TTC14: variants seen among roughly 807,000 people sequenced by gnomAD.
TTC14 encodes tetratricopeptide repeat domain 14.
Under a neutral mutation model 79.9 loss-of-function variants are expected in TTC14, and 63 were observed. The ratio of observed to expected loss-of-function variants is 0.79; its 90% CI spans 0.64 to 0.97. TTC14 has a LOEUF of 0.97. Among genes scored for constraint, TTC14 ranks in the 50% least tolerant of loss-of-function variants. The pLI is 0.00. For synonymous variants in TTC14, 335 were observed against 309.6 expected, an observed-to-expected ratio of 1.08 and a Z score of -0.86; for missense variants, 895 against 894.0, an observed-to-expected ratio of 1.00 and a Z score of -0.01.
rs1254853899 is a variant in TTC14 at position 180,602,325 on chromosome 3, C to A, written c.64C>A (p.Arg22=). 2 of 1,613,836 alleles carry A rather than the reference C, an allele frequency of 1.2e-6. No individual in the cohort carries two copies. Among genetic ancestry groups the A allele is most frequent in the Non-Finnish European group, 1.7e-6 (2 of 1,180,014 alleles). ...CGGGTCGTCTTTGCTCTCTCTACTT[C>A]GGAGCGAACAGCAGGACAATCCACA... ...CHGSSLLSLL[R]SEQQDNPHFR... Residue 22 remains arginine (R), a synonymous_variant, in exon 1 of 12, where the codon CGG becomes AGG. Coordinates refer to ENST00000296015, the MANE Select transcript of TTC14 (RefSeq NM_133462.4).
In TTC14 at chr3:180,602,910, A is replaced by G. The variant is rs1257656373; in HGVS notation, c.181A>G (p.Asn61Asp). The G allele has an allele frequency of 6.2e-7, 1 of 1,611,922 alleles. No homozygotes were observed. The highest frequency in any genetic ancestry group is 8.5e-7 in the Non-Finnish European group (1 of 1,179,514). Residue 61 changes from asparagine (N) to aspartate (D), a missense_variant, in exon 2 of 12, where the codon AAC becomes GAC. Asn to Asp is a conservative substitution (Grantham distance 23). Coordinates refer to ENST00000296015, the MANE Select transcript of TTC14 (RefSeq NM_133462.4). ...TTTAAGAAAAGAGAAGAGAGTTGACAACATCGAGATACAGAAATTCATCTC... is the reference window on the plus strand; with the variant it reads ...TTTAAGAAAAGAGAAGAGAGTTGACGACATCGAGATACAGAAATTCATCTC... ...LQGRKEKRVD[N>D]IEIQKFISKK...
intron 7 of TTC14, 105 bp downstream of exon 7, chr3:180,605,942 G>T: frequency 8.6e-7 from 1 of 1,159,028 alleles, no homozygotes; most frequent in South Asian, 1.4e-5. Context: ...ATGCATTAAA[G>T]TGATGCCTTT....
Position 180,616,617 on chromosome 3 carries a change from G to C in TTC14, c.1775-763G>C, listed in dbSNP as rs781020567. 6.9e-6 allele frequency: 11 copies of C among 1,594,284 alleles called. No homozygotes were observed. In the East Asian group the frequency reaches 1.8e-4, roughly 26 times the overall value. ...ACTTTGTGAAACTGTTTCATTTCACGAAGTTTGATGTCTTGTTCTTCCATT... is the reference window on the plus strand; with the variant it reads ...ACTTTGTGAAACTGTTTCATTTCACCAAGTTTGATGTCTTGTTCTTCCATT... On this transcript the variant is annotated intron_variant, in intron 12 of 12. Coordinates refer to the TTC14 transcript ENST00000382584.
At position 180,602,252 on chromosome 3, in the gene TTC14, T is replaced by A; in HGVS notation, c.-10T>A. The A allele has an allele frequency of 6.2e-7, 1 of 1,613,610 alleles. No homozygotes were observed. The highest frequency in any genetic ancestry group is 1.1e-5 in the South Asian group (1 of 91,054). On this transcript the variant is annotated 5_prime_UTR_variant, in exon 1 of 12. Coordinates refer to ENST00000296015, the MANE Select transcript of TTC14 (RefSeq NM_133462.4). ...AGCCCGTCGGCCTCCGGGCCCTGCA[T>A]TCTCTAGCCATGGACCGGGACCTTT...
intron 12 of TTC14, chr3:180,616,530 T>C: frequency 6.4e-7 from 1 of 1,558,636 alleles, no homozygotes; most frequent in Non-Finnish European, 8.7e-7. Context: ...TGAAAGTATG[T>C]TTGAAGGATA....
intron 7 of TTC14, 23 bp downstream of exon 7, chr3:180,605,860 A>G (rs369525987): frequency 3.2e-6 from 5 of 1,569,960 alleles, no homozygotes; most frequent in South Asian, 2.4e-5. Flanking sequence ...TCTTTCAACA[A>G]TTGCATTATA....
intron 10 of TTC14, chr3:180,608,424 T>C: frequency 9.9e-7 from 1 of 1,011,282 alleles, no homozygotes; most frequent in Non-Finnish European, 1.2e-6. Flanking sequence ...TTTCTTGCAC[T>C]CTGGGTCATG....
downstream of TTC14, among the ~76,000 whole-genome samples, chr3:180,612,642 C>G (rs1295638855): frequency 2.6e-5 from 4 of 151,562 alleles, 1 homozygote; most frequent in Admixed American, 2.6e-4. Flanking sequence ...CCCAGCTATG[C>G]GGGAGGATCG....
Position 180,610,187 on chromosome 3 carries a change from G to A in TTC14, c.1958G>A (p.Gly653Glu), listed in dbSNP as rs1411550746. 1 of 1,613,712 alleles carries A rather than the reference G, an allele frequency of 6.2e-7. No individual in the cohort carries two copies. The highest frequency in any genetic ancestry group is 8.5e-7 in the Non-Finnish European group (1 of 1,179,920). The change falls in exon 12 of 12, where the codon GGA becomes GAA. Residue 653 changes from glycine to glutamate, a missense_variant. Transcript: ENST00000296015. ...AGGAGATTTGAAAAGGATATAGAGG[G>A]AAGAAAAGAGCACTATAGAAGGTGG... ...GYRRFEKDIE[G>E]RKEHYRRWEP... is the part of the protein sequence containing the mutation.
Position 180,604,266 on chromosome 3 carries a change from T to C in TTC14, c.528T>C (p.His176=), listed in dbSNP as rs547263584. Residue 176 remains histidine, a synonymous_variant, in exon 4 of 12, where the codon CAT becomes CAC. Transcript: ENST00000296015. ...GAGATGTGCCTTCTCACAGTAACCA[T>C]GGGGATCCTTTATCATATTACCAAA... ...PLRDVPSHSN[H]GDPLSYYQTG... is the part of the protein sequence containing the mutation. The C allele has an allele frequency of 5.0e-6, 8 of 1,613,616 alleles. No homozygotes were observed. The East Asian group carries it at 1.1e-4, about 23-fold the overall frequency.
intron 12 of TTC14, chr3:180,616,913 T>C (rs773369122): frequency 1.3e-6 from 2 of 1,546,134 alleles, no homozygotes; most frequent in East Asian, 4.5e-5. Context: ...CTGATAACTT[T>C]TCTTTAACAT....
chr3:180,602,304 T>C lies in TTC14; in HGVS notation c.43T>C (p.Ser15Pro). ...GCGGCAGTCGCTAAATTGCCACGGG[T>C]CGTCTTTGCTCTCTCTACTTCGGAG... ...LLRQSLNCHG[S>P]SLLSLLRSEQ... The change falls in exon 1 of 12, where the codon TCG becomes CCG. Residue 15 changes from serine (S) to proline (P), a missense_variant. Physicochemically the swap from Ser to Pro is moderately conservative, Grantham distance 74 (BLOSUM62 -1). Coordinates refer to ENST00000296015, the MANE Select transcript of TTC14 (RefSeq NM_133462.4). 6.2e-7 allele frequency: 1 copy of C among 1,613,914 alleles called. No homozygotes were observed. Among genetic ancestry groups the C allele is most frequent in the Non-Finnish European group, 8.5e-7 (1 of 1,180,018 alleles).
chr3:180,604,180 T>C (rs369022377), intron 3 of TTC14, 45 bp from the exon 4 acceptor site: 30 of 1,526,840 alleles, frequency 2.0e-5, no homozygotes, highest in African/African-American at 4.1e-5. Context: ...ACTGTTCTTA[T>C]CAAAGCTTGA....
rs756960281 is a variant in TTC14, at chr3:180,610,186, G to A, written c.1957G>A (p.Gly653Arg). The change falls in exon 12 of 12, where the codon GGA (glycine) becomes AGA (arginine). Residue 653 changes from glycine (G) to arginine (R), a missense_variant. Gly to Arg is a moderately radical substitution (Grantham distance 125). Coordinates refer to ENST00000296015, the MANE Select transcript of TTC14 (RefSeq NM_133462.4). ...TAGGAGATTTGAAAAGGATATAGAG[G>A]GAAGAAAAGAGCACTATAGAAGGTG... ...GYRRFEKDIE[G>R]RKEHYRRWEP... 5.6e-6 allele frequency: 9 copies of A among 1,613,602 alleles called. No individual in the cohort carries two copies. The highest frequency in any genetic ancestry group is 6.8e-6 in the Non-Finnish European group (8 of 1,179,888).
Position 180,610,758 on chromosome 3 carries a change from T to C in TTC14, c.*216T>C, listed in dbSNP as rs1446134696. The C allele has an allele frequency of 3.3e-6, 4 of 1,223,248 alleles. No individual in the cohort carries two copies. The highest frequency in any genetic ancestry group is 8.4e-5 in the East Asian group (2 of 23,880). The allele number at this position is 1,223,248 out of a possible 1,614,324, so 75.8% of individuals were successfully genotyped here. A position where few individuals can be genotyped will look rare whatever the true frequency, so the allele number is the denominator to read the frequency against. On this transcript the variant is annotated 3_prime_UTR_variant, in exon 12 of 12. Coordinates refer to ENST00000296015, the MANE Select transcript of TTC14 (RefSeq NM_133462.4). ...TTTAGACTTTTTATGTATATGTTTA[T>C]GTACAGTATATTACTCTTGACAGTT...
downstream of TTC14, among the ~76,000 whole-genome samples, chr3:180,611,852 T>C (rs1337886776): frequency 6.6e-6 from 1 of 152,204 alleles, no homozygotes; most frequent in African/African-American, 2.4e-5. Flanking sequence ...AAGAGACTTA[T>C]TCCTTGTTCT....
At chr3:180,614,995 C>CT (rs763368164), downstream of TTC14, 1 of 1,564,154 alleles carries the variant, frequency 6.4e-7, no homozygotes, top group Non-Finnish European at 8.7e-7. Context: ...GGGCTGCCTA[C>CT]TAGTGAAGAG....
rs1400344619 is a variant in TTC14, at chr3:180,616,929, G to A, written c.1775-451G>A. ...TGATAACTTTTCTTTAACATTATTT[G>A]CCAAATGTTCTATAACATCTAATGT... On this transcript the variant is annotated intron_variant, in intron 12 of 12. Coordinates refer to the TTC14 transcript ENST00000382584. The A allele has an allele frequency of 9.3e-6, 14 of 1,498,270 alleles. No homozygotes were observed. The Admixed American group carries it at 2.0e-4, about 21-fold the overall frequency. The allele number at this position is 1,498,270 out of a possible 1,614,324, so 92.8% of individuals were successfully genotyped here.
rs753383253 is a variant in TTC14, at chr3:180,607,779, T to G, written c.1290+14T>G. The G allele has an allele frequency of 6.2e-7, 1 of 1,601,010 alleles. No individual in the cohort carries two copies. The highest frequency in any genetic ancestry group is 1.2e-5 in the South Asian group (1 of 86,936). On this transcript the variant is annotated intron_variant, in intron 10 of 11. Coordinates refer to ENST00000296015, the MANE Select transcript of TTC14 (RefSeq NM_133462.4). ...AAATATATGCAGGTGATTCCTTATT[T>G]CCTCTTAGAAATTTAGTGATATTTG...
Sources: gnomAD v4.1 joint callset for allele counts (sites outside exome capture counted in the v4.1 genomes callset) on GRCh38, gnomAD v4.1.1 for gene constraint, MANE v1.5 for transcripts, NCBI Gene and HGNC (gene_info 2026-07-23, HGNC 2026-07-21) for gene names.